The following PLXNA4 variants were observed in gnomAD, a reference collection of about 807,000 sequenced individuals.
PLXNA4 encodes the protein plexin A4, also known as plexin-A4.
Under a neutral mutation model 191.8 loss-of-function variants are expected in PLXNA4, and 44 were observed. The ratio of observed to expected loss-of-function variants is 0.23; its 90% CI spans 0.18 to 0.29. The LOEUF is 0.29. PLXNA4 is among the 10% of genes least tolerant of loss of function. The pLI is 1.00. For synonymous variants in PLXNA4, 1,082 were observed against 1,009.5 expected (o/e 1.07, Z -1.36); for missense variants, 1,800 against 2,488.8 (o/e 0.72, Z 5.89).
chr7:132,320,511 G>A (rs1332430023), intron 3 of PLXNA4, among the ~76,000 whole-genome samples: 3 of 152,262 alleles, frequency 2.0e-5, no homozygotes, highest in Non-Finnish European at 4.4e-5. Context: ...AGTATCAGAA[G>A]TTGGGACTTC....
At chr7:132,636,995 G>A (rs1441988379) in intron 2 of PLXNA4, among the ~76,000 whole-genome samples, 1 of 152,156 alleles carries the variant, frequency 6.6e-6, no homozygotes, top group East Asian at 1.9e-4. Context: ...ATTGCCTCAA[G>A]TCTTCTTGAT....
chr7:132,472,202 T>A (rs1373972561), intron 3 of PLXNA4, among the ~76,000 whole-genome samples: 1 of 152,224 alleles, frequency 6.6e-6, no homozygotes, highest in Non-Finnish European at 1.5e-5. Context: ...TTTGCCCTGA[T>A]ACTTTTTTCC....
intron 3 of PLXNA4, among the ~76,000 whole-genome samples, chr7:132,467,044 G>A (rs913219759): frequency 3.3e-5 from 5 of 152,176 alleles, no homozygotes; most frequent in African/African-American, 1.2e-4. Context: ...CAGGTAAACT[G>A]CACACTACTT....
chr7:132,426,305 T>A (rs943031388), intron 3 of PLXNA4, among the ~76,000 whole-genome samples: 1 of 152,074 alleles, frequency 6.6e-6, no homozygotes, highest in Non-Finnish European at 1.5e-5. Context: ...GTGGGGGTCC[T>A]CTCCCTCAGG....
At chr7:132,228,595 C>G in intron 5 of PLXNA4, 126 bp from the exon 6 acceptor site, 1 of 1,245,694 alleles carries the variant, frequency 8.0e-7, no homozygotes, top group East Asian at 2.5e-5. Context: ...CCAGAGCTAA[C>G]CTTTTTGTGT....
At chr7:132,435,998 C>T (rs1795456916) in intron 3 of PLXNA4, among the ~76,000 whole-genome samples, 1 of 152,196 alleles carries the variant, frequency 6.6e-6, no homozygotes, top group East Asian at 1.9e-4. Flanking sequence ...TTAGGGGCAC[C>T]CCCGAACCCT....
chr7:132,389,796 A>G (rs1402361646), intron 3 of PLXNA4, among the ~76,000 whole-genome samples: 1 of 152,130 alleles, frequency 6.6e-6, no homozygotes, highest in African/African-American at 2.4e-5. Flanking sequence ...TTTTTTTCCA[A>G]TTCTGTGAAG....
chr7:132,154,305 C>A (rs548996241), intron 25 of PLXNA4, among the ~76,000 whole-genome samples: 4 of 152,242 alleles, frequency 2.6e-5, no homozygotes, highest in Admixed American at 6.5e-5. Flanking sequence ...GTGCTGGGAG[C>A]AGGCACCGGA....
intron 3 of PLXNA4, among the ~76,000 whole-genome samples, chr7:132,424,835 C>T (rs767145946): frequency 2.8e-4 from 43 of 152,200 alleles, no homozygotes; most frequent in African/African-American, 6.3e-4. Flanking sequence ...GTTCTGCTAG[C>T]GTGTGGTTTG....
intron 4 of PLXNA4, among the ~76,000 whole-genome samples, chr7:132,242,850 C>T (rs150157573): frequency 0.014 from 2,145 of 152,322 alleles, 191 homozygotes; most frequent in Admixed American, 0.13. Context: ...ATTACCCACA[C>T]TGGCTCCACA....
intron 4 of PLXNA4, among the ~76,000 whole-genome samples, chr7:132,247,123 A>G (rs1033877239): frequency 6.6e-6 from 1 of 152,146 alleles, no homozygotes; most frequent in African/African-American, 2.4e-5. Flanking sequence ...TCCTCTGGCA[A>G]TAGGGTCTCA....
At chr7:132,593,712 C>A (rs1333200629) in intron 2 of PLXNA4, among the ~76,000 whole-genome samples, 3 of 152,218 alleles carry the variant, frequency 2.0e-5, no homozygotes, top group East Asian at 3.9e-4. Context: ...TCCACATGGG[C>A]TCCCTGAAGA....
At chr7:132,547,226 G>A (rs1011493238) in intron 1 of PLXNA4, among the ~76,000 whole-genome samples, 10 of 152,244 alleles carry the variant, frequency 6.6e-5, no homozygotes, top group South Asian at 6.2e-4. Flanking sequence ...GTCATCTCAC[G>A]TAATCTGTAA....
chr7:132,202,559 C>G, intron 12 of PLXNA4, 87 bp downstream of exon 12: 1 of 1,336,330 alleles, frequency 7.5e-7, no homozygotes, highest in Non-Finnish European at 9.7e-7. Context: ...GGGTGACCGA[C>G]ACCACGGCTG....
intron 1 of PLXNA4, among the ~76,000 whole-genome samples, chr7:132,539,903 A>G (rs1461748437): frequency 6.6e-6 from 1 of 152,216 alleles, no homozygotes; most frequent in Non-Finnish European, 1.5e-5. Context: ...CTTAATAGCC[A>G]TTCCCCAGAG....
intron 2 of PLXNA4, among the ~76,000 whole-genome samples, chr7:132,504,083 GAGGAGGCCACTCC>G (rs1164598655): frequency 6.6e-6 from 1 of 152,254 alleles, no homozygotes; most frequent in Non-Finnish European, 1.5e-5. Context: ...ACATTCCCAT[GAGGAGGCCACTCC>G]TGGCCAACCA....
chr7:132,156,962 G>A (rs1795817865), intron 25 of PLXNA4, among the ~76,000 whole-genome samples: 1 of 152,222 alleles, frequency 6.6e-6, no homozygotes, highest in Non-Finnish European at 1.5e-5. Context: ...TCATGGTTGA[G>A]CAGGGAGATG....
intron 3 of PLXNA4, among the ~76,000 whole-genome samples, chr7:132,326,884 A>G (rs763535130): frequency 2.1e-5 from 3 of 145,296 alleles, no homozygotes; most frequent in Non-Finnish European, 4.6e-5. Flanking sequence ...GGTACTCAGT[A>G]AGTGTTGTGG....
At chr7:132,646,844 C>T (rs577460582) in intron 1 of PLXNA4, among the ~76,000 whole-genome samples, 125 of 152,240 alleles carry the variant, frequency 8.2e-4, no homozygotes, top group South Asian at 7.5e-3. Context: ...GCCACACATA[C>T]GAACACACAC....
Sources: allele counts gnomAD v4.1 joint callset (sites outside exome capture counted in the v4.1 genomes callset), GRCh38; gene constraint gnomAD v4.1.1; transcripts MANE v1.5; gene names NCBI Gene and HGNC (gene_info 2026-07-23, HGNC 2026-07-21).